Variants in SNTG1 observed in about 807,000 individuals in gnomAD.
SNTG1 encodes the protein gamma-1-syntrophin.
SNTG1 carries 39 observed loss-of-function variants against 74.7 expected under a neutral mutation model. The ratio of observed to expected loss-of-function variants is 0.52; its 90% CI spans 0.40 to 0.68. The LOEUF is 0.68. Ranked by LOEUF, SNTG1 falls within the 30% of genes least tolerant of loss-of-function variation. The pLI, the probability that SNTG1 is intolerant of heterozygous loss-of-function variation, is 0.00. For missense variants in SNTG1, 685 were observed against 609.5 expected (o/e 1.12, Z -1.30); for synonymous variants, 254 against 217.1 (o/e 1.17, Z -1.49).
Position 50,704,770 on chromosome 8 carries a change from T to C in SNTG1, c.1191+18T>C, listed in dbSNP as rs548290150. The C allele has an allele frequency of 2.5e-6, 4 of 1,613,508 alleles. No individual in the cohort carries two copies. In the East Asian group the frequency reaches 6.7e-5, roughly 27 times the overall value. ...GGATACAGGTGAGAGTCTGTGGGAC[T>C]GCAGGATGTGTGGCTCCCTCAGATG... On this transcript the variant is annotated intron_variant, in intron 16 of 18. Coordinates refer to ENST00000642720, the MANE Select transcript of SNTG1 (RefSeq NM_018967.5).
Position 50,353,036 on chromosome 8 carries a change from A to C in SNTG1, c.-27-41176A>C, listed in dbSNP as rs137940312. On this transcript the variant is annotated intron_variant, in intron 2 of 18. Coordinates refer to ENST00000642720, the MANE Select transcript of SNTG1 (RefSeq NM_018967.5). ...TCCCTCAATGATAGACTGGATTAAG[A>C]AAATGTGGCACATATACACCATGGA... Among the ~76,000 whole-genome samples, 1,097 of 152,292 alleles carry C rather than the reference A, an allele frequency of 7.2e-3. 12 individuals are homozygous for C. Among genetic ancestry groups the C allele is most frequent in the Non-Finnish European group, 0.012 (812 of 68,018 alleles).
At chr8:50,705,400 A>G (rs2095440127) in intron 16 of SNTG1, among the ~76,000 whole-genome samples, 1 of 152,214 alleles carries the variant, frequency 6.6e-6, no homozygotes, top group African/African-American at 2.4e-5. Context: ...ACATTTTTAC[A>G]TGAAGTCATT....
chr8:49,977,870 C>A (rs1228159817), intron 1 of SNTG1, among the ~76,000 whole-genome samples: 1 of 152,210 alleles, frequency 6.6e-6, no homozygotes, highest in Non-Finnish European at 1.5e-5. Context: ...TGTGGCACCA[C>A]AAACACTGCT....
At chr8:50,028,312 G>C (rs900538814) in intron 1 of SNTG1, among the ~76,000 whole-genome samples, 2 of 152,012 alleles carry the variant, frequency 1.3e-5, no homozygotes, top group African/African-American at 2.4e-5. Flanking sequence ...TTATTTTTGA[G>C]TAATATTTCA....
chr8:50,092,180 TC>T lies in SNTG1; in HGVS notation c.-102-80379del, dbSNP rs528879296. Among the ~76,000 whole-genome samples, 218 of 152,286 alleles carry T rather than the reference TC, an allele frequency of 1.4e-3. 1 individual carries two copies. Among genetic ancestry groups the T allele is most frequent in the African/African-American group, 5.0e-3 (208 of 41,560 alleles). ...TGGCCCATCTGGTTAAGCTCCCCGT[TC>T]CTGGAAGGAGGACATAGCAGGGACT... On this transcript the variant is annotated intron_variant, in intron 1 of 18. Coordinates refer to ENST00000642720, the MANE Select transcript of SNTG1 (RefSeq NM_018967.5).
intron 2 of SNTG1, among the ~76,000 whole-genome samples, chr8:50,240,473 ACC>A (rs2129647120): frequency 6.6e-6 from 1 of 152,352 alleles, no homozygotes; most frequent in South Asian, 2.1e-4. Flanking sequence ...AATTTTACGA[ACC>A]ATCATGAATC....
chr8:50,568,470 C>A (rs1585710454), intron 12 of SNTG1, among the ~76,000 whole-genome samples: 1 of 152,044 alleles, frequency 6.6e-6, no homozygotes, highest in Non-Finnish European at 1.5e-5. Flanking sequence ...TGAGGGTTCT[C>A]CTTTCTCCAC....
chr8:50,739,664 G>C (rs1490801661), intron 17 of SNTG1, among the ~76,000 whole-genome samples: 1 of 151,702 alleles, frequency 6.6e-6, no homozygotes, highest in African/African-American at 2.4e-5. Flanking sequence ...GTGTATCCCA[G>C]AACTTAAAGT....
intron 16 of SNTG1, among the ~76,000 whole-genome samples, chr8:50,705,581 A>T (rs934951563): frequency 3.3e-5 from 5 of 151,730 alleles, no homozygotes; most frequent in Admixed American, 6.6e-5. Flanking sequence ...TTTTTTAAGG[A>T]TTGCACACAC....
intron 4 of SNTG1, among the ~76,000 whole-genome samples, chr8:50,429,063 T>A (rs1418905456): frequency 1.4e-5 from 2 of 143,978 alleles, no homozygotes; most frequent in African/African-American, 5.9e-5. Flanking sequence ...TATATTATCA[T>A]AATAATCCCA....
At chr8:50,514,975 A>G (rs310582) in intron 9 of SNTG1, among the ~76,000 whole-genome samples, 2,998 of 152,282 alleles carry the variant, frequency 0.02, 81 homozygotes, top group African/African-American at 0.064. Context: ...ATTATAAAAT[A>G]TCTTTCTTTG....
chr8:50,687,957 G>A (rs1302730142), intron 15 of SNTG1, among the ~76,000 whole-genome samples: 1 of 152,174 alleles, frequency 6.6e-6, no homozygotes, highest in African/African-American at 2.4e-5. Flanking sequence ...TCTCACTGGT[G>A]TTAGATGGTA....
intron 18 of SNTG1, among the ~76,000 whole-genome samples, chr8:50,759,954 T>G (rs529368612): frequency 6.6e-6 from 1 of 152,258 alleles, no homozygotes; most frequent in East Asian, 1.9e-4. Context: ...ATTTTCATGA[T>G]ATTGATTTTT....
intron 1 of SNTG1, among the ~76,000 whole-genome samples, chr8:50,084,146 T>A (rs1226551448): frequency 1.3e-5 from 2 of 152,076 alleles, no homozygotes; most frequent in East Asian, 3.9e-4. Context: ...CTAAATAGTG[T>A]ATGCTAGAAA....
chr8:50,097,363 T>C (rs1311087608), intron 1 of SNTG1, among the ~76,000 whole-genome samples: 2 of 152,168 alleles, frequency 1.3e-5, no homozygotes, highest in Non-Finnish European at 2.9e-5. Context: ...TAAACAAATG[T>C]AGCTTTAAAA....
At chr8:50,226,243 C>G (rs1177440161) in intron 2 of SNTG1, among the ~76,000 whole-genome samples, 1 of 152,126 alleles carries the variant, frequency 6.6e-6, no homozygotes, top group African/African-American at 2.4e-5. Flanking sequence ...CATAAATTCT[C>G]ATCAGATGGG....
intron 4 of SNTG1, 84 bp downstream of exon 4, chr8:50,402,428 G>GT: frequency 7.5e-6 from 11 of 1,462,192 alleles, no homozygotes; most frequent in Non-Finnish European, 1.0e-5. Context: ...TTTTAAATAT[G>GT]TTTTTCTTTC....
intron 18 of SNTG1, among the ~76,000 whole-genome samples, chr8:50,759,296 A>G (rs551087822): frequency 1.9e-3 from 292 of 152,208 alleles, no homozygotes; most frequent in Middle Eastern, 6.8e-3. Flanking sequence ...TTTGCTGTGC[A>G]GAAGCTCTTT....
Position 50,248,501 on chromosome 8 carries a change from CCA to C in SNTG1, c.-28+75868_-28+75869del, listed in dbSNP as rs577576746. ...ACATCTTCATAAATCTCTCTGCATA[CCA>C]CTTTCCTCAGTCAGACTATTAATTC... On this transcript the variant is annotated intron_variant, in intron 2 of 18. Coordinates refer to ENST00000642720, the MANE Select transcript of SNTG1 (RefSeq NM_018967.5). Among the ~76,000 whole-genome samples, 10 of 152,268 alleles carry C rather than the reference CCA, an allele frequency of 6.6e-5. No individual in the cohort carries two copies. The East Asian group carries it at 1.4e-3, about 21-fold the overall frequency.
Sources: allele counts gnomAD v4.1 joint callset (sites outside exome capture counted in the v4.1 genomes callset), GRCh38; gene constraint gnomAD v4.1.1; transcripts MANE v1.5; gene names NCBI Gene and HGNC (gene_info 2026-07-23, HGNC 2026-07-21).